The following RNF44 variants were observed in gnomAD, a reference collection of about 807,000 sequenced individuals.
RNF44 encodes ring finger protein 44.
A neutral mutation model predicts 53.6 loss-of-function variants in RNF44; 25 were observed. That is an observed-to-expected ratio of 0.47 (90% CI 0.34 to 0.65). RNF44 has a LOEUF of 0.65. RNF44 is among the 30% of genes least tolerant of loss of function. RNF44 has a pLI of 0.01. For synonymous variants in RNF44, 282 were observed against 252.2 expected (o/e 1.12, Z -1.12); for missense variants, 581 against 595.5 (o/e 0.98, Z 0.25).
chr5:176,532,197 C>T lies in RNF44; in HGVS notation c.108-4G>A, dbSNP rs1756744918. 1 of 1,513,668 alleles carries T rather than the reference C, an allele frequency of 6.6e-7. No homozygotes were observed. The highest frequency in any genetic ancestry group is 2.4e-5 in the East Asian group (1 of 42,544). The allele number at this position is 1,513,668 out of a possible 1,614,324, so 93.8% of individuals were successfully genotyped here. ...CAGGGGGCCCTCGAGGCCAGGGCTG[C>T]ACCACAGAGAGGAGGCCCCGATAGG... On this transcript the variant is annotated splice_region_variant and splice_polypyrimidine_tract_variant and intron_variant, in intron 2 of 10. Coordinates refer to ENST00000274811, the MANE Select transcript of RNF44 (RefSeq NM_014901.5).
chr5:176,529,935 C>A (rs558447115), intron 7 of RNF44, 117 bp from the exon 8 acceptor site: 16 of 1,387,264 alleles, frequency 1.2e-5, no homozygotes, highest in African/African-American at 8.7e-5. Flanking sequence ...GGGAAGGGAG[C>A]CCAGCTGGCG....
chr5:176,536,474 T>TC (rs35764303), intron 1 of RNF44: 1 of 151,856 alleles, frequency 6.6e-6, no homozygotes, highest in Non-Finnish European at 1.5e-5. Context: ...CAGCCACCCC[T>TC]CCCCAGGCAT....
Position 176,532,209 on chromosome 5 carries a change from G to C in RNF44, c.108-16C>G, listed in dbSNP as rs200723293. The C allele has an allele frequency of 8.5e-5, 128 of 1,499,908 alleles. 1 individual carries two copies. In the East Asian group the frequency reaches 3.0e-3, roughly 35 times the overall value. The allele number at this position is 1,499,908 out of a possible 1,614,324, so 92.9% of individuals were successfully genotyped here. A position where few individuals can be genotyped will look rare whatever the true frequency, so the allele number is the denominator to read the frequency against. On this transcript the variant is annotated splice_polypyrimidine_tract_variant and intron_variant, in intron 2 of 10. Coordinates refer to ENST00000274811, the MANE Select transcript of RNF44 (RefSeq NM_014901.5). ...GAGGCCAGGGCTGCACCACAGAGAG[G>C]AGGCCCCGATAGGACTGAGGGGGGC...
intron 2 of RNF44, 54 bp from the exon 3 acceptor site, chr5:176,532,247 G>T: frequency 6.6e-7 from 1 of 1,505,748 alleles, no homozygotes; most frequent in East Asian, 2.4e-5. Flanking sequence ...CTCGTGCACA[G>T]AGCAGGGAGA....
Position 176,532,534 on chromosome 5 carries a change from A to G in RNF44, c.-44-18T>C, listed in dbSNP as rs1200001683. On this transcript the variant is annotated intron_variant, in intron 1 of 10. Coordinates refer to ENST00000274811, the MANE Select transcript of RNF44 (RefSeq NM_014901.5). Reference sequence around the variant, plus strand: ...TCACAACCCTAGGAGGCAAGGAGACAAGAAGACTGAGGCACCTGGCCAACA... The same window carrying G: ...TCACAACCCTAGGAGGCAAGGAGACGAGAAGACTGAGGCACCTGGCCAACA... The G allele has an allele frequency of 2.0e-6, 3 of 1,470,026 alleles. No homozygotes were observed. The highest frequency in any genetic ancestry group is 2.7e-6 in the Non-Finnish European group (3 of 1,114,600). The allele number at this position is 1,470,026 out of a possible 1,614,324, so 91.1% of individuals were successfully genotyped here. A position where few individuals can be genotyped will look rare whatever the true frequency, so the allele number is the denominator to read the frequency against.
rs181235816 is a variant in RNF44, at chr5:176,529,509, G to A, written c.1136+14C>T. The A allele has an allele frequency of 7.6e-5, 123 of 1,613,824 alleles. No individual in the cohort carries two copies. In the African/African-American group the frequency reaches 1.5e-3, roughly 20 times the overall value. The stretch of plus-strand genomic sequence containing the variant: ...CTGTGTTCAGAGGGGTGGGAGGTGG[G>A]GCAGGGTACTCACAGCGTCTGCTCC... On this transcript the variant is annotated intron_variant, in intron 9 of 10. Transcript: ENST00000274811.
Position 176,529,114 on chromosome 5 carries a change from G to A in RNF44, c.1237-24C>T, listed in dbSNP as rs561253956. The A allele has an allele frequency of 1.9e-5, 31 of 1,612,558 alleles. No individual in the cohort carries two copies. The East Asian group carries it at 4.9e-4, about 26-fold the overall frequency. On this transcript the variant is annotated intron_variant, in intron 10 of 10. Coordinates refer to ENST00000274811, the MANE Select transcript of RNF44 (RefSeq NM_014901.5). ...GCCTGTGGGAACATGCACGTCAGGC[G>A]TTGCTCTCACCAGCCCCAACCCACC...
At chr5:176,535,242 T>G (rs1475470999) in intron 1 of RNF44, among the ~76,000 whole-genome samples, 1 of 152,214 alleles carries the variant, frequency 6.6e-6, no homozygotes, top group Non-Finnish European at 1.5e-5. Context: ...ACCTCCCAGT[T>G]TCCCATCAAG....
rs988809899 is a variant in RNF44, at chr5:176,528,055, C to G, written c.*973G>C. ...CCAACCCTGCCCCACGACCGCCGGC[C>G]GCCCAGCCCAGCCCGGCACACGCAT... On this transcript the variant is annotated 3_prime_UTR_variant, in exon 11 of 11. Transcript: ENST00000274811. 1.3e-5 allele frequency: 2 copies of G among 152,934 alleles called. No individual in the cohort carries two copies. Among genetic ancestry groups the G allele is most frequent in the Non-Finnish European group, 2.9e-5 (2 of 68,422 alleles). 9.5% of individuals were successfully genotyped at this position (152,934 alleles called of 1,614,324 possible).
upstream of RNF44, among the ~76,000 whole-genome samples, chr5:176,541,391 T>C (rs192238676): frequency 5.9e-5 from 9 of 152,122 alleles, no homozygotes; most frequent in African/African-American, 2.2e-4. Flanking sequence ...TTAAGTGTGG[T>C]TTGTGAACCA....
chr5:176,536,344 C>T, intron 1 of RNF44: 1 of 152,284 alleles, frequency 6.6e-6, no homozygotes. Flanking sequence ...CAAATAAAAC[C>T]AGAAGAGTCC....
chr5:176,527,255 G>T lies in RNF44; in HGVS notation c.*1773C>A, dbSNP rs1364998108. 6.6e-6 allele frequency: 1 copy of T among 152,416 alleles called. No individual in the cohort carries two copies. Among genetic ancestry groups the T allele is most frequent in the African/African-American group, 2.4e-5 (1 of 41,438 alleles). 9.4% of individuals were successfully genotyped at this position (152,416 alleles called of 1,614,324 possible). On this transcript the variant is annotated 3_prime_UTR_variant, in exon 11 of 11. Transcript: ENST00000274811. Reference sequence around the variant, plus strand: ...CATGGCATCTATAGCAAGGTCGGCAGATCACAAACATCCTAAGTAATTGTT... The same window carrying T: ...CATGGCATCTATAGCAAGGTCGGCATATCACAAACATCCTAAGTAATTGTT...
chr5:176,540,782 C>T (rs544891107), upstream of RNF44, among the ~76,000 whole-genome samples: 59 of 152,330 alleles, frequency 3.9e-4, no homozygotes, highest in Middle Eastern at 3.4e-3. Flanking sequence ...TTCCCCTCAG[C>T]GCCAGAGACC....
chr5:176,535,128 T>C (rs958125592), intron 1 of RNF44, among the ~76,000 whole-genome samples: 2 of 152,156 alleles, frequency 1.3e-5, no homozygotes, highest in South Asian at 2.1e-4. Context: ...GACTCACACA[T>C]GACAGTGACT....
chr5:176,534,769 C>G (rs529248523), intron 1 of RNF44, among the ~76,000 whole-genome samples: 5 of 152,372 alleles, frequency 3.3e-5, no homozygotes, highest in Non-Finnish European at 7.3e-5. Flanking sequence ...CCCAGCAACA[C>G]TGGCAGGTCA....
chr5:176,529,270 A>T lies in RNF44; in HGVS notation c.1236+18T>A, dbSNP rs890835. ...CACTGCATGAGGAATACCCAGGAGCAGACCTGGGCAGTGTTACCTTCAACC... is the reference window on the plus strand; with the variant it reads ...CACTGCATGAGGAATACCCAGGAGCTGACCTGGGCAGTGTTACCTTCAACC... On this transcript the variant is annotated intron_variant, in intron 10 of 10. Coordinates refer to ENST00000274811, the MANE Select transcript of RNF44 (RefSeq NM_014901.5). 5.4e-5 allele frequency: 87 copies of T among 1,609,102 alleles called. No individual in the cohort carries two copies. The highest frequency in any genetic ancestry group is 6.8e-5 in the Non-Finnish European group (80 of 1,175,948).
rs557168750 is a variant in RNF44, at chr5:176,526,822, A to T, written c.*2206T>A. 9 of 152,660 alleles carry T rather than the reference A, an allele frequency of 5.9e-5. No individual in the cohort carries two copies. Among genetic ancestry groups the T allele is most frequent in the Non-Finnish European group, 8.8e-5 (6 of 68,022 alleles). The allele number at this position is 152,660 out of a possible 1,614,324, so 9.5% of individuals were successfully genotyped here. A position where few individuals can be genotyped will look rare whatever the true frequency, so the allele number is the denominator to read the frequency against. On this transcript the variant is annotated 3_prime_UTR_variant, in exon 11 of 11. Coordinates refer to ENST00000274811, the MANE Select transcript of RNF44 (RefSeq NM_014901.5). ...AAGCAGAACTAGCAACTTTCATTTT[A>T]AAAAAAGTACAAATCTGTTAAAAAT...
chr5:176,529,406 C>T lies in RNF44; in HGVS notation c.1137-19G>A, dbSNP rs371245780. 226 of 1,605,032 alleles carry T rather than the reference C, an allele frequency of 1.4e-4. 1 individual carries two copies. The African/African-American group carries it at 1.7e-3, about 12-fold the overall frequency. On this transcript the variant is annotated intron_variant, in intron 9 of 10. Coordinates refer to ENST00000274811, the MANE Select transcript of RNF44 (RefSeq NM_014901.5). ...CACACACCTGTGGAGGGGCGCGGAGCGTCACCTCCACGCTGAGGGCCATGG... is the reference window on the plus strand; with the variant it reads ...CACACACCTGTGGAGGGGCGCGGAGTGTCACCTCCACGCTGAGGGCCATGG...
At position 176,526,782 on chromosome 5, in the gene RNF44, T is replaced by C. The variant is rs1038986531; in HGVS notation, c.*2246A>G. On this transcript the variant is annotated 3_prime_UTR_variant, in exon 11 of 11. Transcript: ENST00000274811. ...GCAACAATATTAAAAAAAATAATGATTGCACTACTTGGTCAAGCAGAACTA... is the reference window on the plus strand; with the variant it reads ...GCAACAATATTAAAAAAAATAATGACTGCACTACTTGGTCAAGCAGAACTA... 1.3e-5 allele frequency: 2 copies of C among 152,394 alleles called. No homozygotes were observed. Among genetic ancestry groups the C allele is most frequent in the South Asian group, 2.1e-4 (1 of 4,824 alleles). The allele number at this position is 152,394 out of a possible 1,614,324, so 9.4% of individuals were successfully genotyped here. A position where few individuals can be genotyped will look rare whatever the true frequency, so the allele number is the denominator to read the frequency against.
Sources: gnomAD v4.1 joint callset for allele counts (sites outside exome capture counted in the v4.1 genomes callset) on GRCh38, gnomAD v4.1.1 for gene constraint, MANE v1.5 for transcripts, NCBI Gene and HGNC (gene_info 2026-07-23, HGNC 2026-07-21) for gene names.